PRDM5: variants seen among roughly 807,000 people sequenced by gnomAD.
PRDM5 encodes the protein PR/SET domain 5, also known as PR domain zinc finger protein 5.
A neutral mutation model predicts 81.2 loss-of-function variants in PRDM5; 56 were observed. The observed-to-expected ratio is 0.69, with a 90% CI of 0.56 to 0.86. The LOEUF (loss-of-function observed/expected upper bound fraction) is 0.86. PRDM5 is among the 40% of genes least tolerant of loss of function. The pLI, the probability that PRDM5 is intolerant of heterozygous loss-of-function variation, is 0.00. For synonymous variants in PRDM5, 267 were observed against 256.4 expected (o/e 1.04, Z -0.39); for missense variants, 697 against 770.1 (o/e 0.91, Z 1.12).
rs202128803 is a variant in PRDM5, at chr4:120,805,878, AG to A, written c.945+5491del. Among the ~76,000 whole-genome samples the A allele has an allele frequency of 3.4e-3, 521 of 152,290 alleles. 12 individuals carry two copies. The East Asian group carries it at 0.063, about 18-fold the overall frequency. On this transcript the variant is annotated intron_variant, in intron 8 of 15. Coordinates refer to ENST00000264808, the MANE Select transcript of PRDM5 (RefSeq NM_018699.4). ...GCAATCAGGCAGGAGAAAAAAATAA[AG>A]GGTATTCAATTAGGAAAAGAGGAAG...
chr4:120,893,856 T>C (rs1322065780), intron 2 of PRDM5, among the ~76,000 whole-genome samples: 1 of 152,224 alleles, frequency 6.6e-6, no homozygotes, highest in Non-Finnish European at 1.5e-5. Context: ...TAAACCTAAT[T>C]TCATTTGTCT....
chr4:120,921,333 T>G (rs1051576045), intron 1 of PRDM5, among the ~76,000 whole-genome samples: 1 of 152,238 alleles, frequency 6.6e-6, no homozygotes, highest in Non-Finnish European at 1.5e-5. Context: ...GATAAATTAT[T>G]TATTCCTGTT....
intron 15 of PRDM5, among the ~76,000 whole-genome samples, chr4:120,697,865 A>C (rs1176749079): frequency 2.0e-5 from 3 of 151,900 alleles, no homozygotes; most frequent in Non-Finnish European, 4.4e-5. Flanking sequence ...AAACATAGAG[A>C]AAAGAAAGCA....
rs1734303394 is a variant in PRDM5 at position 120,694,413 on chromosome 4, T to A, written c.*698A>T. On this transcript the variant is annotated 3_prime_UTR_variant, in exon 16 of 16. Coordinates refer to ENST00000264808, the MANE Select transcript of PRDM5 (RefSeq NM_018699.4). ...TTATAAAAGTATTCCAGACCATGAA[T>A]GTCTGCATCTGAATGATGAGAATAA... 1 of 152,160 alleles carries A rather than the reference T, an allele frequency of 6.6e-6. No homozygotes were observed. Among genetic ancestry groups the A allele is most frequent in the Non-Finnish European group, 1.5e-5 (1 of 68,028 alleles). 9.4% of individuals were successfully genotyped at this position (152,160 alleles called of 1,614,324 possible).
At chr4:120,828,915 T>A in intron 3 of PRDM5, among the ~76,000 whole-genome samples, 1 of 152,090 alleles carries the variant, frequency 6.6e-6, no homozygotes, top group Non-Finnish European at 1.5e-5. Context: ...TCTTATTTTA[T>A]CTGTAAAATG....
intron 3 of PRDM5, among the ~76,000 whole-genome samples, chr4:120,826,778 T>C (rs910930348): frequency 2.0e-5 from 3 of 152,182 alleles, no homozygotes; most frequent in Admixed American, 2.0e-4. Context: ...ATTCTGAGCA[T>C]GCTTTGAAGG....
chr4:120,873,948 A>G (rs897601569), intron 2 of PRDM5, among the ~76,000 whole-genome samples: 3 of 152,082 alleles, frequency 2.0e-5, no homozygotes, highest in Admixed American at 6.5e-5. Flanking sequence ...ACTTTATTAA[A>G]TGTTTATCCA....
At chr4:120,754,011 G>A (rs1243840137) in intron 14 of PRDM5, among the ~76,000 whole-genome samples, 5 of 152,194 alleles carry the variant, frequency 3.3e-5, no homozygotes, top group African/African-American at 1.2e-4. Context: ...TCCAGTGAGA[G>A]TGTTGACAGC....
intron 13 of PRDM5, among the ~76,000 whole-genome samples, chr4:120,765,776 G>A (rs1213421812): frequency 6.6e-6 from 1 of 151,966 alleles, no homozygotes. Context: ...GGGAATAGAG[G>A]GTCAAACAGT....
intron 7 of PRDM5, chr4:120,812,884 G>T (rs988907196): frequency 1.5e-5 from 3 of 205,976 alleles, no homozygotes; most frequent in Middle Eastern, 4.9e-4. Flanking sequence ...TTAACCAAAT[G>T]TGTTTGTAAA....
intron 2 of PRDM5, 133 bp downstream of exon 2, chr4:120,907,341 A>G: frequency 1.2e-6 from 1 of 844,064 alleles, no homozygotes; most frequent in Non-Finnish European, 1.9e-6. Context: ...TCTCAAAAAA[A>G]AAAAAAAAAA....
chr4:120,874,419 T>A (rs1267148254), intron 2 of PRDM5, among the ~76,000 whole-genome samples: 1 of 152,172 alleles, frequency 6.6e-6, no homozygotes, highest in African/African-American at 2.4e-5. Flanking sequence ...AAATAGAGAT[T>A]TAAGTCAAAT....
chr4:120,818,523 G>A lies in PRDM5; in HGVS notation c.480C>T (p.Arg160=). The change falls in exon 5 of 16, where the codon CGC becomes CGT. Residue 160 remains arginine, a synonymous_variant. Coordinates refer to ENST00000264808, the MANE Select transcript of PRDM5 (RefSeq NM_018699.4). ...AAGCATAGTCCTCTTTACAGCCAAG[G>A]CGATCTGCACATTCACAAGGAAACA... ...RRQSTAGRKD[R]LGCKEDYACP... is the part of the protein sequence containing the mutation. 2.5e-6 allele frequency: 4 copies of A among 1,612,252 alleles called. No individual in the cohort carries two copies. The highest frequency in any genetic ancestry group is 3.4e-6 in the Non-Finnish European group (4 of 1,178,400).
chr4:120,799,169 C>T (rs916790622), intron 9 of PRDM5, among the ~76,000 whole-genome samples: 1 of 151,994 alleles, frequency 6.6e-6, no homozygotes, highest in Admixed American at 6.6e-5. Flanking sequence ...ATGAAACTAC[C>T]GCTTTAAAAA....
intron 7 of PRDM5, among the ~76,000 whole-genome samples, chr4:120,813,285 A>T (rs1187384094): frequency 1.3e-5 from 2 of 152,178 alleles, no homozygotes; most frequent in Non-Finnish European, 2.9e-5. Flanking sequence ...TCAACTTTTA[A>T]TTGGTTTATT....
intron 14 of PRDM5, among the ~76,000 whole-genome samples, chr4:120,750,740 C>G (rs935481982): frequency 2.6e-5 from 4 of 151,506 alleles, no homozygotes; most frequent in African/African-American, 7.3e-5. Flanking sequence ...AACAGACATT[C>G]AATCAAAAAT....
intron 14 of PRDM5, among the ~76,000 whole-genome samples, chr4:120,754,057 C>T (rs1744374327): frequency 6.6e-6 from 1 of 152,200 alleles, no homozygotes; most frequent in South Asian, 2.1e-4. Flanking sequence ...GAATAAGCCA[C>T]AGCACTAGGC....
At chr4:120,784,486 G>A (rs930967312) in intron 11 of PRDM5, among the ~76,000 whole-genome samples, 6 of 152,062 alleles carry the variant, frequency 3.9e-5, no homozygotes, top group African/African-American at 7.2e-5. Flanking sequence ...TACTCCTTGC[G>A]CTGTGAAATC....
intron 14 of PRDM5, among the ~76,000 whole-genome samples, chr4:120,744,887 T>C (rs1334380863): frequency 7.8e-6 from 1 of 127,742 alleles, no homozygotes; most frequent in African/African-American, 3.0e-5. Context: ...TCTGAAACTA[T>C]TCCAATCAAT....
Sources: allele counts gnomAD v4.1 joint callset (sites outside exome capture counted in the v4.1 genomes callset), GRCh38; gene constraint gnomAD v4.1.1; transcripts MANE v1.5; gene names NCBI Gene and HGNC (gene_info 2026-07-23, HGNC 2026-07-21).